The following COL25A1 variants were observed in gnomAD, a reference collection of about 807,000 sequenced individuals.
The protein encoded by COL25A1 is collagen type XXV alpha 1 chain, also known as collagen alpha-1(XXV) chain.
A neutral mutation model predicts 128.4 loss-of-function variants in COL25A1; 103 were observed. The ratio of observed to expected loss-of-function variants is 0.80; its 90% CI spans 0.68 to 0.94. COL25A1 has a LOEUF of 0.94. COL25A1 is among the 40% of genes least tolerant of loss of function. The probability of loss-of-function intolerance (pLI) is 0.00; values close to 1 mark genes in which losing one functional copy is unlikely to be tolerated. For synonymous variants in COL25A1, 279 were observed against 277.2 expected, an observed-to-expected ratio of 1.01 and a Z score of -0.06; for missense variants, 745 against 840.0, an observed-to-expected ratio of 0.89 and a Z score of 1.40.
chr4:108,997,794 T>C (rs1754922309), intron 6 of COL25A1, among the ~76,000 whole-genome samples: 1 of 152,214 alleles, frequency 6.6e-6, no homozygotes, highest in South Asian at 2.1e-4. Context: ...GTCAGCTTCA[T>C]TCCTGGGATG....
chr4:108,913,938 G>A (rs767178155), intron 13 of COL25A1, among the ~76,000 whole-genome samples: 6 of 152,212 alleles, frequency 3.9e-5, no homozygotes, highest in South Asian at 2.1e-4. Context: ...TCATGCACAC[G>A]CGCATGGTGG....
At chr4:109,184,320 T>C (rs557529851) in intron 3 of COL25A1, among the ~76,000 whole-genome samples, 26 of 152,314 alleles carry the variant, frequency 1.7e-4, no homozygotes, top group African/African-American at 5.5e-4. Flanking sequence ...GAGAGTAAGA[T>C]GCATTAACAC....
chr4:108,932,031 G>T (rs905772414), intron 11 of COL25A1, among the ~76,000 whole-genome samples: 4 of 152,278 alleles, frequency 2.6e-5, no homozygotes, highest in South Asian at 2.1e-4. Flanking sequence ...ACAATAAGAT[G>T]ATTTCAGTCA....
At chr4:109,146,039 A>G (rs1010954866) in intron 3 of COL25A1, among the ~76,000 whole-genome samples, 2 of 152,186 alleles carry the variant, frequency 1.3e-5, no homozygotes, top group Non-Finnish European at 2.9e-5. Context: ...TGTGAACTTA[A>G]TTTCTGTAAC....
chr4:109,155,029 A>T (rs538453337), intron 3 of COL25A1, among the ~76,000 whole-genome samples: 34 of 152,292 alleles, frequency 2.2e-4, no homozygotes, highest in African/African-American at 7.9e-4. Context: ...CTACAAAGGA[A>T]GCTCTGATAT....
chr4:108,937,718 C>A, intron 11 of COL25A1, 90 bp downstream of exon 11: 3 of 1,112,782 alleles, frequency 2.7e-6, no homozygotes, highest in South Asian at 2.9e-5. Context: ...TATAGTCTGT[C>A]ATATGACAGA....
chr4:109,131,690 G>T (rs1481221973), intron 3 of COL25A1, among the ~76,000 whole-genome samples: 1 of 152,142 alleles, frequency 6.6e-6, no homozygotes, highest in Non-Finnish European at 1.5e-5. Context: ...GAGAGCAGGA[G>T]TGTGACGTTC....
intron 6 of COL25A1, among the ~76,000 whole-genome samples, chr4:108,978,162 G>A (rs998269627): frequency 4.6e-5 from 7 of 152,354 alleles, no homozygotes; most frequent in Non-Finnish European, 1.5e-5. Flanking sequence ...AAATATTGCT[G>A]CCTCAAAAGA....
chr4:109,243,965 C>A (rs1156807664), intron 3 of COL25A1, among the ~76,000 whole-genome samples: 1 of 151,918 alleles, frequency 6.6e-6, no homozygotes, highest in African/African-American at 2.4e-5. Flanking sequence ...GTGAAGTTAA[C>A]CATTAAAGAT....
intron 3 of COL25A1, among the ~76,000 whole-genome samples, chr4:109,093,068 A>T (rs1765063820): frequency 6.6e-6 from 1 of 152,010 alleles, no homozygotes; most frequent in African/African-American, 2.4e-5. Context: ...TATACTGAAC[A>T]CTGGCCAGAT....
At chr4:108,886,492 G>GTGTGTGTTTTTT (rs58157157) in intron 18 of COL25A1, among the ~76,000 whole-genome samples, 1,482 of 109,216 alleles carry the variant, frequency 0.014, 72 homozygotes, top group Admixed American at 0.05. Context: ...GTGTGTGTGT[G>GTGTGTGTTTTTT]TTTAGCTCAT....
intron 3 of COL25A1, among the ~76,000 whole-genome samples, chr4:109,082,251 T>C (rs1034482145): frequency 6.6e-6 from 1 of 152,252 alleles, no homozygotes; most frequent in Non-Finnish European, 1.5e-5. Flanking sequence ...CTGTTAAAAA[T>C]AATCCTGCTA....
intron 8 of COL25A1, among the ~76,000 whole-genome samples, chr4:108,948,179 G>T (rs1748997432): frequency 6.6e-6 from 1 of 152,134 alleles, no homozygotes; most frequent in South Asian, 2.1e-4. Context: ...ACTGCTAGAA[G>T]GCTAAATTAA....
chr4:108,990,904 A>T (rs1396388464), intron 6 of COL25A1, among the ~76,000 whole-genome samples: 1 of 152,196 alleles, frequency 6.6e-6, no homozygotes, highest in Non-Finnish European at 1.5e-5. Context: ...CTACCCCTGG[A>T]GCCCATACCC....
At position 108,901,141 on chromosome 4, in the gene COL25A1, T is replaced by C. The variant is rs1742795970; in HGVS notation, c.812A>G (p.Gln271Arg). 1 of 1,612,510 alleles carries C rather than the reference T, an allele frequency of 6.2e-7. No homozygotes were observed. Among genetic ancestry groups the C allele is most frequent in the South Asian group, 1.1e-5 (1 of 91,002 alleles). ...GEPGLPGAVGQNGIPGPKGEP... is the reference protein window; with the variant it reads ...GEPGLPGAVGRNGIPGPKGEP... ...AACCTTAGGTCCTGGTATTCCATTCTGTCCTACTGCTCCAGGCAACCCGGG... is the reference window on the plus strand; with the variant it reads ...AACCTTAGGTCCTGGTATTCCATTCCGTCCTACTGCTCCAGGCAACCCGGG... The change falls in exon 14 of 38, where the codon CAG becomes CGG. Residue 271 changes from glutamine to arginine, a missense_variant. Physicochemically the swap from Gln to Arg is conservative, Grantham distance 43. Transcript: ENST00000399132.
Position 108,899,200 on chromosome 4 carries a change from T to C in COL25A1, c.835-20A>G, listed in dbSNP as rs775798205. 1.2e-6 allele frequency: 2 copies of C among 1,604,640 alleles called. No homozygotes were observed. The highest frequency in any genetic ancestry group is 1.7e-6 in the Non-Finnish European group (2 of 1,174,614). ...TTCTCCCTGAGCAAAAAGACAGAGA[T>C]TGGGTGACATCAAATCATAAAACAC... On this transcript the variant is annotated intron_variant, in intron 14 of 37. Coordinates refer to ENST00000399132, the MANE Select transcript of COL25A1 (RefSeq NM_198721.4).
chr4:109,266,202 G>A (rs145430342), intron 3 of COL25A1, among the ~76,000 whole-genome samples: 25 of 152,274 alleles, frequency 1.6e-4, no homozygotes, highest in African/African-American at 5.8e-4. Flanking sequence ...ATAACAGGTT[G>A]TTGTAAAAAT....
At chr4:108,944,968 G>T (rs1265148745) in intron 8 of COL25A1, among the ~76,000 whole-genome samples, 1 of 152,146 alleles carries the variant, frequency 6.6e-6, no homozygotes, top group Non-Finnish European at 1.5e-5. Context: ...GTAAAAAGGG[G>T]ACATGTGGAC....
At position 108,819,266 on chromosome 4, in the gene COL25A1, C is replaced by G; in HGVS notation, c.1909G>C (p.Ala637Pro). 6.2e-7 allele frequency: 1 copy of G among 1,610,292 alleles called. No homozygotes were observed. The highest frequency in any genetic ancestry group is 8.5e-7 in the Non-Finnish European group (1 of 1,178,762). Residue 637 changes from alanine (A) to proline (P), a missense_variant, in exon 36 of 38, where the codon GCC becomes CCC. Physicochemically the swap from Ala to Pro is conservative, Grantham distance 27. Coordinates refer to ENST00000399132, the MANE Select transcript of COL25A1 (RefSeq NM_198721.4). ...PGQPGLDGLD[A>P]PCQLGPDGLP... ...AAATACTGTACCAATTGGCAAGGGGCATCCAGCCCATCCAGGCCAGGCTGG... is the reference window on the plus strand; with the variant it reads ...AAATACTGTACCAATTGGCAAGGGGGATCCAGCCCATCCAGGCCAGGCTGG...
Sources: allele counts gnomAD v4.1 joint callset (sites outside exome capture counted in the v4.1 genomes callset), GRCh38; gene constraint gnomAD v4.1.1; transcripts MANE v1.5; gene names NCBI Gene and HGNC (gene_info 2026-07-23, HGNC 2026-07-21).